QTMAN: variants seen among roughly 807,000 people sequenced by gnomAD.
QTMAN encodes the protein queuosine-tRNA mannosyltransferase.
the QTMAN span, among the ~76,000 whole-genome samples, chr2:144,219,578 T>C: frequency 4.4e-4 from 67 of 152,022 alleles, no homozygotes; most frequent in African/African-American, 1.5e-3. Context: ...CCCAGCACTT[T>C]GGGAGGCCAA....
chr2:144,331,595 A>G, the QTMAN span, among the ~76,000 whole-genome samples: 4 of 152,084 alleles, frequency 2.6e-5, no homozygotes, highest in African/African-American at 4.8e-5. Context: ...TAAGAATCTC[A>G]AGATAACCTA....
At chr2:144,003,406 G>A in the QTMAN span, among the ~76,000 whole-genome samples, 1 of 151,114 alleles carries the variant, frequency 6.6e-6, no homozygotes, top group South Asian at 2.1e-4. Context: ...TATAGTATTT[G>A]GAAAGAAAAT....
chr2:144,074,448 T>C, the QTMAN span, among the ~76,000 whole-genome samples: 2 of 152,232 alleles, frequency 1.3e-5, no homozygotes, highest in African/African-American at 2.4e-5. Context: ...CAAGCTCATT[T>C]AAAAATCATT....
At chr2:144,170,002 T>C in the QTMAN span, among the ~76,000 whole-genome samples, 2 of 152,186 alleles carry the variant, frequency 1.3e-5, no homozygotes, top group South Asian at 4.1e-4. Context: ...AAACATATTT[T>C]ATACAACTGA....
At chr2:144,221,514 C>T in the QTMAN span, among the ~76,000 whole-genome samples, 13 of 152,076 alleles carry the variant, frequency 8.5e-5, no homozygotes, top group Non-Finnish European at 1.5e-4. Context: ...CATGCACACA[C>T]GCAAACATAA....
chr2:143,971,728 T>C, the QTMAN span, among the ~76,000 whole-genome samples: 9 of 152,080 alleles, frequency 5.9e-5, no homozygotes, highest in Non-Finnish European at 1.2e-4. Context: ...GCTTCTTTTT[T>C]ACATTATGAA....
At chr2:144,133,443 A>T in the QTMAN span, among the ~76,000 whole-genome samples, 2,032 of 62,870 alleles carry the variant, frequency 0.032, 56 homozygotes, top group East Asian at 0.083. Flanking sequence ...ATAATATATA[A>T]TATATAATAT....
chr2:144,274,954 A>C, the QTMAN span, among the ~76,000 whole-genome samples: 1 of 152,154 alleles, frequency 6.6e-6, no homozygotes, highest in African/African-American at 2.4e-5. Flanking sequence ...CCCTATCTCC[A>C]GGTGGATGTT....
chr2:143,963,017 A>C, the QTMAN span, among the ~76,000 whole-genome samples: 19,011 of 152,062 alleles, frequency 0.13, 1,569 homozygotes, highest in Non-Finnish European at 0.18. Context: ...TACTGGTAAA[A>C]TTAGAGAGTT....
At chr2:144,169,863 T>C in the QTMAN span, among the ~76,000 whole-genome samples, 2 of 152,080 alleles carry the variant, frequency 1.3e-5, no homozygotes, top group African/African-American at 2.4e-5. Context: ...ATAAAAGTAA[T>C]GTATTTTCAT....
the QTMAN span, among the ~76,000 whole-genome samples, chr2:144,240,694 A>G: frequency 6.6e-6 from 1 of 152,244 alleles, no homozygotes; most frequent in Admixed American, 6.5e-5. Flanking sequence ...CATTCAGGAT[A>G]CACTGAGGGT....
At chr2:144,158,731 C>T in the QTMAN span, among the ~76,000 whole-genome samples, 2 of 151,784 alleles carry the variant, frequency 1.3e-5, no homozygotes, top group East Asian at 3.9e-4. Flanking sequence ...ATTGTATGTG[C>T]AAAAAAAGTC....
the QTMAN span, among the ~76,000 whole-genome samples, chr2:144,273,540 A>AG: frequency 4.5e-3 from 685 of 152,256 alleles, 4 homozygotes; most frequent in Non-Finnish European, 7.6e-3. Context: ...ACCACCAGGC[A>AG]GGGGAGGGAA....
At chr2:143,989,400 G>A in the QTMAN span, among the ~76,000 whole-genome samples, 1 of 152,110 alleles carries the variant, frequency 6.6e-6, no homozygotes, top group African/African-American at 2.4e-5. Flanking sequence ...ACTCAAGGAA[G>A]CAGGTTTACG....
chr2:144,271,580 G>A, the QTMAN span, among the ~76,000 whole-genome samples: 1 of 152,150 alleles, frequency 6.6e-6, no homozygotes, highest in Non-Finnish European at 1.5e-5. Flanking sequence ...GTGAAATTCA[G>A]AGTAGACAAT....
At chr2:144,099,514 G>A in the QTMAN span, among the ~76,000 whole-genome samples, 1 of 152,182 alleles carries the variant, frequency 6.6e-6, no homozygotes, top group South Asian at 2.1e-4. Context: ...TTCAAGCAAG[G>A]AAATGTGGGT....
the QTMAN span, among the ~76,000 whole-genome samples, chr2:143,956,917 A>T: frequency 1.3e-5 from 2 of 152,262 alleles, no homozygotes; most frequent in South Asian, 4.1e-4. Context: ...ATTCATTCAC[A>T]TCTCCACAAC....
the QTMAN span, chr2:144,007,668 GA>G: frequency 1.6e-6 from 1 of 617,716 alleles, no homozygotes; most frequent in Non-Finnish European, 2.6e-6. Context: ...AAAAATTCCA[GA>G]AAAAGTGTAA....
the QTMAN span, among the ~76,000 whole-genome samples, chr2:144,133,172 A>G: frequency 8.2e-5 from 4 of 48,988 alleles, no homozygotes; most frequent in South Asian, 4.3e-4. Context: ...ATATATATAT[A>G]AATATATATA....
Sources: gnomAD v4.1 joint callset for allele counts (sites outside exome capture counted in the v4.1 genomes callset) on GRCh38, gnomAD v4.1.1 for gene constraint, MANE v1.5 for transcripts, NCBI Gene and HGNC (gene_info 2026-07-23, HGNC 2026-07-21) for gene names.